The following HIP1 variants were observed in gnomAD, a reference collection of about 807,000 sequenced individuals.
The protein encoded by HIP1 is huntingtin-interacting protein 1.
In HIP1, 65 loss-of-function variants were observed where a neutral mutation model predicts 147.6. That is an observed-to-expected ratio of 0.44 (90% CI 0.36 to 0.54). The LOEUF (loss-of-function observed/expected upper bound fraction) is 0.54, where lower values mean the gene tolerates loss of function less well. Among genes scored for constraint, HIP1 ranks in the 20% least tolerant of loss-of-function variants. The pLI is 0.00. For synonymous variants in HIP1, 479 were observed against 504.0 expected (o/e 0.95, Z 0.67); for missense variants, 1,061 against 1,299.6 (o/e 0.82, Z 2.82).
chr7:75,663,366 A>G (rs534604495), intron 1 of HIP1, among the ~76,000 whole-genome samples: 4 of 152,236 alleles, frequency 2.6e-5, no homozygotes, highest in African/African-American at 7.2e-5. Context: ...CAGGAGGCTG[A>G]GGTGGGAGGA....
Position 75,579,324 on chromosome 7 carries a change from T to C in HIP1, c.604+1913A>G, listed in dbSNP as rs587717084. On this transcript the variant is annotated intron_variant, in intron 7 of 30. Coordinates refer to ENST00000336926, the MANE Select transcript of HIP1 (RefSeq NM_005338.7). ...TCCAGCTGTTTCTGGTGTTGGTCTT[T>C]CTTTTTTCTGAGACAGAATCTTGCT... Among the ~76,000 whole-genome samples, 129 of 152,232 alleles carry C rather than the reference T, an allele frequency of 8.5e-4. 2 individuals carry two copies. In the Middle Eastern group the frequency reaches 0.01, roughly 12 times the overall value.
At chr7:75,680,862 G>A (rs182387344) in intron 1 of HIP1, among the ~76,000 whole-genome samples, 13 of 152,164 alleles carry the variant, frequency 8.5e-5, no homozygotes, top group East Asian at 3.9e-4. Context: ...TGCAAGCTCC[G>A]CCTCCCAGGT....
In HIP1 at chr7:75,638,449, G is replaced by A. The variant is rs576818263; in HGVS notation, c.121-39202C>T. Among the ~76,000 whole-genome samples the A allele has an allele frequency of 2.8e-4, 43 of 152,234 alleles. 1 individual carries two copies. In the South Asian group the frequency reaches 8.5e-3, roughly 30 times the overall value. On this transcript the variant is annotated intron_variant, in intron 1 of 30. Coordinates refer to ENST00000336926, the MANE Select transcript of HIP1 (RefSeq NM_005338.7). ...CCTCCAGAGGAGCCCATTTCTAAAG[G>A]AAAGGCGGAGTCATGCTTAGGAGGC... is the stretch of plus-strand genomic sequence containing the variant.
chr7:75,692,889 G>A (rs957499697), intron 1 of HIP1, among the ~76,000 whole-genome samples: 1 of 151,978 alleles, frequency 6.6e-6, no homozygotes, highest in African/African-American at 2.4e-5. Flanking sequence ...ATGCAGCCGG[G>A]CATGGTGTCT....
chr7:75,628,929 C>G (rs1554508455), intron 1 of HIP1, among the ~76,000 whole-genome samples: 1 of 152,168 alleles, frequency 6.6e-6, no homozygotes, highest in Non-Finnish European at 1.5e-5. Flanking sequence ...AGCCAGGACC[C>G]TGGTTGTAAC....
chr7:75,692,375 C>G (rs1554518242), intron 1 of HIP1, among the ~76,000 whole-genome samples: 1 of 151,650 alleles, frequency 6.6e-6, no homozygotes, highest in African/African-American at 2.4e-5. Context: ...CCTCCTGCCT[C>G]AAGTCTCCCA....
chr7:75,543,758 C>T (rs967768286), intron 27 of HIP1, among the ~76,000 whole-genome samples: 4 of 152,262 alleles, frequency 2.6e-5, no homozygotes, highest in East Asian at 3.9e-4. Flanking sequence ...GACTGCTAAT[C>T]GGAAGTTGGC....
intron 1 of HIP1, among the ~76,000 whole-genome samples, chr7:75,636,024 CA>C (rs34434184): frequency 0.043 from 2,333 of 53,692 alleles, 22 homozygotes; most frequent in African/African-American, 0.049. Context: ...GACCCTGTCT[CA>C]AAAAAAAAAA....
At chr7:75,576,615 A>G (rs1349501728) in intron 7 of HIP1, among the ~76,000 whole-genome samples, 1 of 152,080 alleles carries the variant, frequency 6.6e-6, no homozygotes, top group African/African-American at 2.4e-5. Flanking sequence ...CCAGCTACTC[A>G]GGAGGCTGAG....
At chr7:75,618,287 G>A (rs10245655) in intron 1 of HIP1, among the ~76,000 whole-genome samples, 2,732 of 152,174 alleles carry the variant, frequency 0.018, 89 homozygotes, top group African/African-American at 0.058. Context: ...GAGTGGCTGG[G>A]ATTACAGGCA....
rs782121453 is a variant in HIP1 at position 75,714,922 on chromosome 7, G to C, written c.120+23879C>G. On this transcript the variant is annotated intron_variant, in intron 1 of 30. Coordinates refer to ENST00000336926, the MANE Select transcript of HIP1 (RefSeq NM_005338.7). Reference sequence around the variant, plus strand: ...TCCAGGATCCCACGCTGCACCGACTGCAATGTCTCCTTGGCCTCCTCCCGT... The same window carrying C: ...TCCAGGATCCCACGCTGCACCGACTCCAATGTCTCCTTGGCCTCCTCCCGT... Among the ~76,000 whole-genome samples, 98 of 152,192 alleles carry C rather than the reference G, an allele frequency of 6.4e-4. 1 individual carries two copies. Among genetic ancestry groups the C allele is most frequent in the Admixed American group, 1.6e-3 (24 of 15,274 alleles).
At chr7:75,655,623 C>A (rs2867803) in intron 1 of HIP1, among the ~76,000 whole-genome samples, 62,368 of 151,202 alleles carry the variant, frequency 0.41, 13,221 homozygotes, top group Middle Eastern at 0.53. Context: ...ACAAGCAAAG[C>A]AAAGAAATAA....
At chr7:75,541,883 A>G (rs782697345) in intron 29 of HIP1, 36 bp downstream of exon 29, 4 of 1,473,210 alleles carry the variant, frequency 2.7e-6, no homozygotes, top group Non-Finnish European at 3.8e-6. Flanking sequence ...TGTCTAGGCA[A>G]TAGAGGCTAT....
At chr7:75,633,571 C>T (rs1011269669) in intron 1 of HIP1, among the ~76,000 whole-genome samples, 1 of 152,136 alleles carries the variant, frequency 6.6e-6, no homozygotes, top group African/African-American at 2.4e-5. Flanking sequence ...GGATTACAAG[C>T]GTGAGCCACC....
Position 75,537,548 on chromosome 7 carries a change from C to T in HIP1, c.*624G>A, listed in dbSNP as rs1226914360. 6 of 232,670 alleles carry T rather than the reference C, an allele frequency of 2.6e-5. No homozygotes were observed. The highest frequency in any genetic ancestry group is 8.8e-5 in the African/African-American group (4 of 45,254). 14.4% of individuals were successfully genotyped at this position (232,670 alleles called of 1,614,324 possible). A position where few individuals can be genotyped will look rare whatever the true frequency, so the allele number is the denominator to read the frequency against. The stretch of plus-strand genomic sequence containing the variant: ...AAAAAACAAAACCAAAAAACCCAAC[C>T]AACCACCATAAGAAGCAGTGGAAAT... On this transcript the variant is annotated 3_prime_UTR_variant, in exon 31 of 31. Transcript: ENST00000336926.
At chr7:75,551,733 C>T (rs1458867689) in intron 22 of HIP1, among the ~76,000 whole-genome samples, 3 of 150,260 alleles carry the variant, frequency 2.0e-5, no homozygotes, top group Non-Finnish European at 4.4e-5. Context: ...TCACACCCGG[C>T]CAATTTTTAA....
chr7:75,736,827 G>C (rs144995780), intron 1 of HIP1, among the ~76,000 whole-genome samples: 79 of 151,746 alleles, frequency 5.2e-4, no homozygotes, highest in African/African-American at 1.9e-3. Context: ...CCTGCATGGA[G>C]GCACTTTCTT....
intron 1 of HIP1, among the ~76,000 whole-genome samples, chr7:75,672,325 CT>C (rs34265805): frequency 3.9e-4 from 57 of 144,754 alleles, no homozygotes; most frequent in Non-Finnish European, 3.5e-4. Flanking sequence ...TTTTTACATT[CT>C]TTTTTTTTTT....
rs533966270 is a variant in HIP1 at position 75,683,021 on chromosome 7, C to T, written c.120+55780G>A. ...TTTTTGAGATGGAGTCTCGCTCTGT[C>T]GCCCAGGCTAGAGTGCAGTGGTGCG... On this transcript the variant is annotated intron_variant, in intron 1 of 30. Coordinates refer to ENST00000336926, the MANE Select transcript of HIP1 (RefSeq NM_005338.7). Among the ~76,000 whole-genome samples the T allele has an allele frequency of 2.6e-5, 4 of 151,624 alleles. No homozygotes were observed. In the South Asian group the frequency reaches 6.3e-4, roughly 24 times the overall value.
Sources: gnomAD v4.1 joint callset for allele counts (sites outside exome capture counted in the v4.1 genomes callset) on GRCh38, gnomAD v4.1.1 for gene constraint, MANE v1.5 for transcripts, NCBI Gene and HGNC (gene_info 2026-07-23, HGNC 2026-07-21) for gene names.